NWD2: variants seen among roughly 807,000 people sequenced by gnomAD.
The protein encoded by NWD2 is NACHT and WD repeat domain containing 2, also known as NACHT and WD repeat domain-containing protein 2.
Under a neutral mutation model 132.7 loss-of-function variants are expected in NWD2, and 37 were observed. That is an observed-to-expected ratio of 0.28 (90% CI 0.21 to 0.37). NWD2 has a LOEUF of 0.37. Among genes scored for constraint, NWD2 ranks in the 10% least tolerant of loss-of-function variants. The probability of loss-of-function intolerance (pLI) is 1.00; values close to 1 mark genes in which losing one functional copy is unlikely to be tolerated. For missense variants in NWD2, 1,592 were observed against 2,122.4 expected, an observed-to-expected ratio of 0.75 and a Z score of 4.91; for synonymous variants, 705 against 803.0, an observed-to-expected ratio of 0.88 and a Z score of 2.06.
chr4:37,401,282 GAGA>G (rs1720890165), intron 3 of NWD2, among the ~76,000 whole-genome samples: 1 of 152,082 alleles, frequency 6.6e-6, no homozygotes, highest in Non-Finnish European at 1.5e-5. Flanking sequence ...ATCTCCACCT[GAGA>G]AGATCTCCTA....
chr4:37,403,122 A>G (rs1720928283), intron 3 of NWD2, among the ~76,000 whole-genome samples: 1 of 152,184 alleles, frequency 6.6e-6, no homozygotes, highest in African/African-American at 2.4e-5. Context: ...CACTCTCAGG[A>G]ACTACCCTCT....
At chr4:37,438,218 G>A (rs113679968) in intron 5 of NWD2, among the ~76,000 whole-genome samples, 16,005 of 150,440 alleles carry the variant, frequency 0.11, 1,130 homozygotes, top group Non-Finnish European at 0.16. Flanking sequence ...CCGAGATTGC[G>A]CCACTGCACT....
chr4:37,356,689 A>T (rs573584276), intron 3 of NWD2, among the ~76,000 whole-genome samples: 1 of 152,230 alleles, frequency 6.6e-6, no homozygotes, highest in Non-Finnish European at 1.5e-5. Flanking sequence ...ATTAACGGTG[A>T]ATAATTTGAA....
At chr4:37,424,948 G>A (rs1162703965) in intron 3 of NWD2, among the ~76,000 whole-genome samples, 2 of 152,134 alleles carry the variant, frequency 1.3e-5, no homozygotes, top group Non-Finnish European at 2.9e-5. Context: ...AGAGTGGAGA[G>A]AAATCAATAT....
At chr4:37,273,986 C>G (rs1203138135) in intron 1 of NWD2, among the ~76,000 whole-genome samples, 1 of 152,002 alleles carries the variant, frequency 6.6e-6, no homozygotes. Context: ...CAGGAAAGAT[C>G]TAAAATTGAC....
intron 3 of NWD2, among the ~76,000 whole-genome samples, chr4:37,361,916 AG>A (rs1042167943): frequency 6.6e-6 from 1 of 152,202 alleles, no homozygotes; most frequent in Non-Finnish European, 1.5e-5. Context: ...TTCTATACCT[AG>A]GAAATCATAA....
chr4:37,380,750 T>G (rs891591642), intron 3 of NWD2, among the ~76,000 whole-genome samples: 5 of 152,216 alleles, frequency 3.3e-5, no homozygotes, highest in Non-Finnish European at 7.3e-5. Context: ...TGTTTTTAAT[T>G]TCTTAAGTAC....
chr4:37,356,355 TCTGTCC>T lies in NWD2; in HGVS notation c.241-9_241-4del. On this transcript the variant is annotated splice_polypyrimidine_tract_variant and splice_region_variant and intron_variant, in intron 2 of 6. Coordinates refer to ENST00000309447, the MANE Select transcript of NWD2 (RefSeq NM_001144990.2). Reference sequence around the variant, plus strand: ...CATGTAAACTAATGCTCTTCATCCATCTGTCCCCAGGTCATAGATCTGTACTGGGGA... The same window carrying T: ...CATGTAAACTAATGCTCTTCATCCATCCAGGTCATAGATCTGTACTGGGGA... The T allele has an allele frequency of 1.4e-6, 2 of 1,432,886 alleles. No homozygotes were observed. The highest frequency in any genetic ancestry group is 1.4e-5 in the South Asian group (1 of 73,718). The allele number at this position is 1,432,886 out of a possible 1,614,324, so 88.8% of individuals were successfully genotyped here.
intron 2 of NWD2, among the ~76,000 whole-genome samples, chr4:37,330,434 G>GA (rs1434751003): frequency 6.6e-6 from 1 of 152,018 alleles, no homozygotes; most frequent in East Asian, 1.9e-4. Flanking sequence ...GAATCAATTG[G>GA]AAAAAAGTAA....
intron 3 of NWD2, among the ~76,000 whole-genome samples, chr4:37,393,650 T>C (rs757438646): frequency 6.6e-6 from 1 of 152,204 alleles, no homozygotes; most frequent in African/African-American, 2.4e-5. Context: ...AGCTGAATTC[T>C]CTGCAGCAGC....
At chr4:37,290,839 C>T (rs529349194) in intron 1 of NWD2, among the ~76,000 whole-genome samples, 1 of 152,296 alleles carries the variant, frequency 6.6e-6, no homozygotes, top group East Asian at 1.9e-4. Context: ...AGATGAATTA[C>T]TGACTTTTTA....
Position 37,282,287 on chromosome 4 carries a change from G to A in NWD2, c.151+37069G>A, listed in dbSNP as rs910448115. On this transcript the variant is annotated intron_variant, in intron 1 of 6. Coordinates refer to ENST00000309447, the MANE Select transcript of NWD2 (RefSeq NM_001144990.2). ...AAAAGAAACTGCTGATAAATTGATA[G>A]CATTATAGCTATATTTTATTCTTGA... Among the ~76,000 whole-genome samples the A allele has an allele frequency of 8.5e-5, 13 of 152,180 alleles. No individual in the cohort carries two copies. In the East Asian group the frequency reaches 1.7e-3, roughly 20 times the overall value.
At chr4:37,328,364 T>C (rs1268627004) in intron 2 of NWD2, among the ~76,000 whole-genome samples, 1 of 152,112 alleles carries the variant, frequency 6.6e-6, no homozygotes, top group Non-Finnish European at 1.5e-5. Flanking sequence ...TCATCTACAT[T>C]AGCTATTTCT....
intron 3 of NWD2, among the ~76,000 whole-genome samples, chr4:37,385,354 C>A (rs1720538496): frequency 6.6e-6 from 1 of 152,192 alleles, no homozygotes; most frequent in Admixed American, 6.5e-5. Flanking sequence ...TTCTGTGAAT[C>A]TAGCTGTTGG....
At chr4:37,413,538 T>C (rs1252589233) in intron 3 of NWD2, among the ~76,000 whole-genome samples, 1 of 152,192 alleles carries the variant, frequency 6.6e-6, no homozygotes. Context: ...GTAAATTAGT[T>C]CAATCATTGT....
At chr4:37,248,041 A>C (rs1399983189) in intron 1 of NWD2, among the ~76,000 whole-genome samples, 1 of 152,208 alleles carries the variant, frequency 6.6e-6, no homozygotes, top group Admixed American at 6.5e-5. Flanking sequence ...TCTACGGATG[A>C]GATTACTGAG....
At chr4:37,431,171 C>T (rs572349325) in intron 4 of NWD2, among the ~76,000 whole-genome samples, 1 of 152,228 alleles carries the variant, frequency 6.6e-6, no homozygotes, top group Non-Finnish European at 1.5e-5. Context: ...GCAATAAAAT[C>T]ACTGTCTTGA....
At chr4:37,310,601 T>A (rs944070968) in intron 1 of NWD2, among the ~76,000 whole-genome samples, 1 of 152,010 alleles carries the variant, frequency 6.6e-6, no homozygotes, top group Non-Finnish European at 1.5e-5. Context: ...TTGCCTAATA[T>A]CTTGAAGCAT....
chr4:37,420,331 T>G (rs771957104), intron 3 of NWD2, among the ~76,000 whole-genome samples: 1 of 152,224 alleles, frequency 6.6e-6, no homozygotes, highest in Non-Finnish European at 1.5e-5. Flanking sequence ...CCACCCTCTT[T>G]CCACTCTGTA....
Sources: allele counts gnomAD v4.1 joint callset (sites outside exome capture counted in the v4.1 genomes callset), GRCh38; gene constraint gnomAD v4.1.1; transcripts MANE v1.5; gene names NCBI Gene and HGNC (gene_info 2026-07-23, HGNC 2026-07-21).